Variants in UTRN observed in about 807,000 individuals in gnomAD.
UTRN encodes the protein dystrophin-related protein 1.
In UTRN, 283 loss-of-function variants were observed where a neutral mutation model predicts 463.9. The ratio of observed to expected loss-of-function variants is 0.61; its 90% CI spans 0.55 to 0.67. UTRN has a LOEUF of 0.67. Ranked by LOEUF, UTRN falls within the 30% of genes least tolerant of loss-of-function variation. The pLI, the probability that UTRN is intolerant of heterozygous loss-of-function variation, is 0.00. For missense variants in UTRN, 3,922 were observed against 4,084.3 expected, an observed-to-expected ratio of 0.96 and a Z score of 1.08; for synonymous variants, 1,442 against 1,431.5, an observed-to-expected ratio of 1.01 and a Z score of -0.17.
chr6:144,685,036 C>T (rs1261658485), intron 52 of UTRN, among the ~76,000 whole-genome samples: 2 of 152,018 alleles, frequency 1.3e-5, no homozygotes, highest in African/African-American at 4.8e-5. Flanking sequence ...TGGTAACCTC[C>T]CCGACCTCTG....
At chr6:144,712,238 AAGC>A (rs1785802696) in intron 53 of UTRN, among the ~76,000 whole-genome samples, 1 of 152,208 alleles carries the variant, frequency 6.6e-6, no homozygotes, top group African/African-American at 2.4e-5. Flanking sequence ...TGCAGGCCTG[AAGC>A]AGCAGTTCTG....
chr6:144,612,084 A>G (rs967271169), intron 51 of UTRN, among the ~76,000 whole-genome samples: 5 of 152,166 alleles, frequency 3.3e-5, no homozygotes, highest in African/African-American at 4.8e-5. Context: ...TTTATAGTCA[A>G]CTGATTTTTG....
rs1264837552 is a variant in UTRN, at chr6:144,516,226, C to T, written c.5245-3C>T. ...TTTTCAGAGAATTCTTTTCCTTCTA[C>T]AGTTGCTAATTGCTCAGGAACCATT... On this transcript the variant is annotated splice_region_variant and splice_polypyrimidine_tract_variant and intron_variant, in intron 37 of 74. Coordinates refer to ENST00000367545, the MANE Select transcript of UTRN (RefSeq NM_007124.3). 1.2e-6 allele frequency: 2 copies of T among 1,610,228 alleles called. No individual in the cohort carries two copies. The highest frequency in any genetic ancestry group is 1.3e-5 in the African/African-American group (1 of 74,736).
chr6:144,840,624 C>A, intron 72 of UTRN, 116 bp from the exon 73 acceptor site: 2 of 1,156,406 alleles, frequency 1.7e-6, no homozygotes, highest in Non-Finnish European at 2.4e-6. Flanking sequence ...AATGGGAAAT[C>A]TTTTCACATT....
In UTRN at chr6:144,420,810, G is replaced by A. The variant is rs115340797; in HGVS notation, c.142-1068G>A. Among the ~76,000 whole-genome samples, 1,139 of 152,274 alleles carry A rather than the reference G, an allele frequency of 7.5e-3. 12 individuals are homozygous for A. The highest frequency in any genetic ancestry group is 0.025 in the African/African-American group (1,053 of 41,560). ...ACATTGTCACACTGTGATGTGAGAC[G>A]CAGTGATGAAGTGACAGTCCTTATA... On this transcript the variant is annotated intron_variant, in intron 3 of 74. Transcript: ENST00000367545.
At chr6:144,609,856 G>A (rs1297841479) in intron 51 of UTRN, among the ~76,000 whole-genome samples, 2 of 152,036 alleles carry the variant, frequency 1.3e-5, no homozygotes, top group Non-Finnish European at 2.9e-5. Context: ...AAATTAGAAT[G>A]AAATTTTAAA....
At chr6:144,386,095 G>A (rs918837920) in intron 2 of UTRN, among the ~76,000 whole-genome samples, 5 of 152,140 alleles carry the variant, frequency 3.3e-5, no homozygotes, top group South Asian at 2.1e-4. Context: ...AGTTTCTTGC[G>A]CTTTTGCTCA....
chr6:144,588,008 C>T (rs1802635147), intron 51 of UTRN, among the ~76,000 whole-genome samples: 1 of 152,128 alleles, frequency 6.6e-6, no homozygotes, highest in African/African-American at 2.4e-5. Context: ...ATGGGTTTGC[C>T]TCCATCTAAC....
At chr6:144,541,684 T>A (rs1320895650) in intron 45 of UTRN, among the ~76,000 whole-genome samples, 4 of 152,138 alleles carry the variant, frequency 2.6e-5, no homozygotes, top group Admixed American at 2.6e-4. Context: ...AGTGTGGCAT[T>A]CCTTCTAACT....
intron 51 of UTRN, among the ~76,000 whole-genome samples, chr6:144,633,369 A>G (rs1776745054): frequency 1.3e-5 from 2 of 152,096 alleles, no homozygotes; most frequent in African/African-American, 2.4e-5. Context: ...AGCTGGGACT[A>G]CAGGCACCTG....
chr6:144,721,444 A>T lies in UTRN; in HGVS notation c.7810-8913A>T, dbSNP rs146059394. 9.0e-3 allele frequency among the ~76,000 whole-genome samples: 1,370 copies of T among 152,282 alleles called. 28 individuals carry two copies. The highest frequency in any genetic ancestry group is 0.031 in the African/African-American group (1,305 of 41,554). ...GGCTGGTGTCAAATTTCTGGCCTCA[A>T]GCAATCCTCCTGCCTTGGCCTCCCA... On this transcript the variant is annotated intron_variant, in intron 53 of 74. Coordinates refer to ENST00000367545, the MANE Select transcript of UTRN (RefSeq NM_007124.3).
intron 62 of UTRN, among the ~76,000 whole-genome samples, chr6:144,792,976 T>C (rs1776889761): frequency 6.6e-6 from 1 of 152,146 alleles, no homozygotes; most frequent in Non-Finnish European, 1.5e-5. Flanking sequence ...CTAAAAACTG[T>C]ATGAAAATAT....
intron 51 of UTRN, among the ~76,000 whole-genome samples, chr6:144,636,044 T>C (rs1228200852): frequency 1.3e-5 from 2 of 152,280 alleles, no homozygotes; most frequent in African/African-American, 4.8e-5. Context: ...TTGAGTGTAA[T>C]AGTGATAGTA....
intron 50 of UTRN, among the ~76,000 whole-genome samples, chr6:144,561,599 C>T (rs1486002662): frequency 2.0e-5 from 3 of 152,056 alleles, no homozygotes; most frequent in Non-Finnish European, 4.4e-5. Context: ...ACAGGCAGAA[C>T]AGAAAGCACT....
chr6:144,398,151 C>T (rs1782618818), intron 2 of UTRN: 2 of 249,294 alleles, frequency 8.0e-6, no homozygotes, highest in South Asian at 1.3e-4. Context: ...TTCCCTGTTC[C>T]CTGGGGTGGT....
chr6:144,748,021 C>T (rs1486972197), intron 54 of UTRN, among the ~76,000 whole-genome samples: 3 of 152,106 alleles, frequency 2.0e-5, no homozygotes, highest in Non-Finnish European at 4.4e-5. Flanking sequence ...TTATTAATCT[C>T]AGTAACTGTT....
At chr6:144,537,544 G>C in intron 43 of UTRN, 38 bp from the exon 44 acceptor site, 2 of 1,454,124 alleles carry the variant, frequency 1.4e-6, no homozygotes, top group Non-Finnish European at 1.8e-6. Context: ...TAATTGGACA[G>C]TTTTTCCTCA....
In UTRN at chr6:144,493,389, A is replaced by G; in HGVS notation, c.4526A>G (p.Asp1509Gly). 2.5e-6 allele frequency: 4 copies of G among 1,614,130 alleles called. No homozygotes were observed. The South Asian group carries it at 3.3e-5, about 13-fold the overall frequency. ...GRHIVQKQQT[D>G]NPKGMDEQLT... ...CATATTGTCCAGAAACAGCAAACGG[A>G]CAACCCAAAAGGGATGGATGAGCAG... Residue 1509 changes from aspartate to glycine, a missense_variant, in exon 33 of 75, where the codon GAC becomes GGC. Asp to Gly is a moderately conservative substitution (Grantham distance 94). Around this residue, in one of 3 missense-constraint regions of UTRN, gnomAD observed 2,349 missense variants for 2,303.8 expected, o/e 1.02. Coordinates refer to ENST00000367545, the MANE Select transcript of UTRN (RefSeq NM_007124.3).
chr6:144,748,696 GAACC>G (rs1164036589), intron 55 of UTRN, among the ~76,000 whole-genome samples, 182 bp downstream of exon 55: 1 of 152,140 alleles, frequency 6.6e-6, no homozygotes, highest in Non-Finnish European at 1.5e-5. Context: ...GGGTTCATTG[GAACC>G]CCCTGCCCCC....
Sources: gnomAD v4.1 joint callset for allele counts (sites outside exome capture counted in the v4.1 genomes callset) on GRCh38, gnomAD v4.1.1 for gene constraint, gnomAD v4.1.1 regional missense constraint, MANE v1.5 for transcripts, NCBI Gene and HGNC (gene_info 2026-07-23, HGNC 2026-07-21) for gene names.